The following ENPP4 variants were observed in gnomAD, a reference collection of about 807,000 sequenced individuals.
The protein encoded by ENPP4 is bis(5'-adenosyl)-triphosphatase ENPP4.
A neutral mutation model predicts 33.4 loss-of-function variants in ENPP4; 18 were observed. The observed-to-expected ratio is 0.54, with a 90% CI of 0.37 to 0.80. The LOEUF (loss-of-function observed/expected upper bound fraction) is 0.80, where lower values mean the gene tolerates loss of function less well. ENPP4 is among the 30% of genes least tolerant of loss of function. The pLI, the probability that ENPP4 is intolerant of heterozygous loss-of-function variation, is 0.00. For missense variants in ENPP4, 480 were observed against 541.7 expected, an observed-to-expected ratio of 0.89 and a Z score of 1.13; for synonymous variants, 172 against 189.9, an observed-to-expected ratio of 0.91 and a Z score of 0.78.
In ENPP4 at chr6:46,139,977, G is replaced by T; in HGVS notation, c.394G>T (p.Ala132Ser). The T allele has an allele frequency of 6.2e-7, 1 of 1,612,870 alleles. No individual in the cohort carries two copies. The highest frequency in any genetic ancestry group is 8.5e-7 in the Non-Finnish European group (1 of 1,179,152). Residue 132 changes from alanine to serine, a missense_variant, in exon 2 of 4, where the codon GCT becomes TCT. Transcript: ENST00000321037. ...TCAGCTTCAGGAAAACAGATCAAGT[G>T]CTGCTGCTATGTGGCCTGGTACTGA... ...TNQLQENRSS[A>S]AAMWPGTDVP...
intron 1 of ENPP4, among the ~76,000 whole-genome samples, chr6:46,133,059 A>G (rs145652397): frequency 0.01 from 1,523 of 152,256 alleles, 12 homozygotes; most frequent in Non-Finnish European, 0.016. Flanking sequence ...GGCTGAGACA[A>G]TGGGGTTTTC....
chr6:46,140,385 G>C lies in ENPP4; in HGVS notation c.802G>C (p.Val268Leu), dbSNP rs1764040498. ...CTACACTCTTATAGATTTGAGCCCAGTTGCTGCAATACTTCCCAAAATAAG... is the reference window on the plus strand; with the variant it reads ...CTACACTCTTATAGATTTGAGCCCACTTGCTGCAATACTTCCCAAAATAAG... ...SYYTLIDLSP[V>L]AAILPKINRT... Residue 268 changes from valine (V) to leucine (L), a missense_variant, in exon 2 of 4, where the codon GTT becomes CTT. This residue lies in a region of ENPP4 where 249 missense variants were observed against 251.8 expected (regional missense o/e 0.99). Transcript: ENST00000321037. 1 of 1,583,396 alleles carries C rather than the reference G, an allele frequency of 6.3e-7. No individual in the cohort carries two copies. Among genetic ancestry groups the C allele is most frequent in the African/African-American group, 1.4e-5 (1 of 73,324 alleles).
intron 1 of ENPP4, among the ~76,000 whole-genome samples, chr6:46,133,902 A>G (rs1763938739): frequency 6.6e-6 from 1 of 152,100 alleles, no homozygotes; most frequent in African/African-American, 2.4e-5. Context: ...TAGTTTGGAG[A>G]TTATTATCAG....
intron 1 of ENPP4, among the ~76,000 whole-genome samples, chr6:46,138,234 C>T (rs1198814373): frequency 6.6e-6 from 1 of 151,848 alleles, no homozygotes; most frequent in African/African-American, 2.4e-5. Flanking sequence ...TTACATCTGT[C>T]AGTTTCAGCT....
At chr6:46,134,392 A>G (rs1449430309) in intron 1 of ENPP4, among the ~76,000 whole-genome samples, 1 of 152,124 alleles carries the variant, frequency 6.6e-6, no homozygotes, top group Non-Finnish European at 1.5e-5. Flanking sequence ...CTTGGATCCC[A>G]GCAGTGTGCT....
At chr6:46,141,248 G>C (rs1475880220) in intron 3 of ENPP4, 26 bp downstream of exon 3, 1 of 1,562,332 alleles carries the variant, frequency 6.4e-7, no homozygotes. Context: ...AGATATTTCT[G>C]TTGTATCCTA....
rs74521510 is a variant in ENPP4 at position 46,139,826 on chromosome 6, G to T, written c.243G>T (p.Leu81Phe). ...ACCACTACAGTATTGTGACAGGCTT[G>T]TATGAAGAAAGCCATGGCATTGTGG... ...FPNHYSIVTG[L>F]YEESHGIVAN... Residue 81 changes from leucine to phenylalanine, a missense_variant, in exon 2 of 4, where the codon TTG becomes TTT. Transcript: ENST00000321037. 10 of 1,612,370 alleles carry T rather than the reference G, an allele frequency of 6.2e-6. No individual in the cohort carries two copies. Among genetic ancestry groups the T allele is most frequent in the South Asian group, 1.1e-5 (1 of 91,058 alleles).
chr6:46,143,337 A>G lies in ENPP4; in HGVS notation c.1059A>G (p.Gly353=). 2 of 1,610,428 alleles carry G rather than the reference A, an allele frequency of 1.2e-6. No homozygotes were observed. The highest frequency in any genetic ancestry group is 1.7e-6 in the Non-Finnish European group (2 of 1,177,282). The change falls in exon 4 of 4, where the codon GGA becomes GGG. Residue 353 remains glycine (G), a synonymous_variant. Coordinates refer to ENST00000321037, the MANE Select transcript of ENPP4 (RefSeq NM_014936.5). ...TGCATCCATTTCTAGCTGCCCACGG[A>G]CCTGCATTTCACAAAGGCTACAAGC... ...PSMHPFLAAH[G]PAFHKGYKHS...
intron 1 of ENPP4, among the ~76,000 whole-genome samples, chr6:46,133,039 G>A (rs1763924870): frequency 6.6e-6 from 1 of 152,118 alleles, no homozygotes; most frequent in South Asian, 2.1e-4. Flanking sequence ...ATCAGCTTAA[G>A]GAGATTCTGG....
At chr6:46,138,291 A>G (rs1043961683) in intron 1 of ENPP4, among the ~76,000 whole-genome samples, 3 of 151,822 alleles carry the variant, frequency 2.0e-5, no homozygotes, top group African/African-American at 7.2e-5. Context: ...TAGCATCTTC[A>G]GCTTCCTTTG....
chr6:46,141,283 T>G, intron 3 of ENPP4, 61 bp downstream of exon 3: 1 of 1,266,144 alleles, frequency 7.9e-7, no homozygotes, highest in Non-Finnish European at 1.1e-6. Context: ...CTTGTGATAC[T>G]GTTGTGTTAA....
In ENPP4 at chr6:46,139,567, C is replaced by A; in HGVS notation, c.-17C>A. 1 of 1,268,626 alleles carries A rather than the reference C, an allele frequency of 7.9e-7. No individual in the cohort carries two copies. Among genetic ancestry groups the A allele is most frequent in the Non-Finnish European group, 1.1e-6 (1 of 869,840 alleles). The allele number at this position is 1,268,626 out of a possible 1,614,324, so 78.6% of individuals were successfully genotyped here. On this transcript the variant is annotated 5_prime_UTR_variant, in exon 2 of 4. Coordinates refer to ENST00000321037, the MANE Select transcript of ENPP4 (RefSeq NM_014936.5). ...ACATTTTAGGAACCCTGATTGCTGTCCTTCAACGTGTTCATTATGAAGTTA... is the reference window on the plus strand; with the variant it reads ...ACATTTTAGGAACCCTGATTGCTGTACTTCAACGTGTTCATTATGAAGTTA...
intron 1 of ENPP4, among the ~76,000 whole-genome samples, chr6:46,135,453 A>G (rs1361267797): frequency 6.6e-6 from 1 of 151,826 alleles, no homozygotes; most frequent in Non-Finnish European, 1.5e-5. Context: ...CTAATTTGTC[A>G]TTTGTGTCTT....
At chr6:46,138,998 C>CT (rs1764016113) in intron 1 of ENPP4, among the ~76,000 whole-genome samples, 1 of 151,842 alleles carries the variant, frequency 6.6e-6, no homozygotes, top group African/African-American at 2.4e-5. Flanking sequence ...CACATACAGA[C>CT]TGATGGGGGC....
chr6:46,134,782 C>T (rs1335946404), intron 1 of ENPP4, among the ~76,000 whole-genome samples: 2 of 151,978 alleles, frequency 1.3e-5, no homozygotes, highest in Non-Finnish European at 2.9e-5. Flanking sequence ...ACTGTCATCA[C>T]AATCAATTTG....
intron 3 of ENPP4, among the ~76,000 whole-genome samples, chr6:46,141,736 G>A (rs1039785652): frequency 2.7e-4 from 41 of 151,718 alleles, no homozygotes; most frequent in African/African-American, 9.6e-4. Flanking sequence ...AATATATAGG[G>A]GAGAAAATGT....
In ENPP4 at chr6:46,143,454, T is replaced by C; in HGVS notation, c.1176T>C (p.Thr392=). 6.2e-7 allele frequency: 1 copy of C among 1,612,644 alleles called. No individual in the cohort carries two copies. Among genetic ancestry groups the C allele is most frequent in the Non-Finnish European group, 8.5e-7 (1 of 1,178,960 alleles). Residue 392 remains threonine, a synonymous_variant, in exon 4 of 4, where the codon ACT becomes ACC. Transcript: ENST00000321037. ...PHPNNGTFGH[T]KCLLVDQWCI... is the part of the protein sequence containing the mutation. ...CCAATAATGGGACCTTTGGTCATACTAAGTGCTTGTTAGTTGACCAGTGGT... is the reference window on the plus strand; with the variant it reads ...CCAATAATGGGACCTTTGGTCATACCAAGTGCTTGTTAGTTGACCAGTGGT...
rs1440472637 is a variant in ENPP4, at chr6:46,145,771, T to TA, written c.*2132dup. 20 of 151,988 alleles carry TA rather than the reference T, an allele frequency of 1.3e-4. No homozygotes were observed. The highest frequency in any genetic ancestry group is 1.1e-3 in the Admixed American group (16 of 15,224). The allele number at this position is 151,988 out of a possible 1,614,324, so 9.4% of individuals were successfully genotyped here. A position where few individuals can be genotyped will look rare whatever the true frequency, so the allele number is the denominator to read the frequency against. On this transcript the variant is annotated 3_prime_UTR_variant, in exon 4 of 4. Transcript: ENST00000321037. ...AGACATTTACCTATTTGTCTTTCCTTACGTTCTCAAAATATTAACTCGAAT... is the reference window on the plus strand; with the variant it reads ...AGACATTTACCTATTTGTCTTTCCTTAACGTTCTCAAAATATTAACTCGAAT...
At chr6:46,130,543 G>A (rs1036035845) in intron 1 of ENPP4, among the ~76,000 whole-genome samples, 10 of 152,186 alleles carry the variant, frequency 6.6e-5, no homozygotes, top group Non-Finnish European at 1.3e-4. Flanking sequence ...GGGTCGCCAG[G>A]CTTTTGGTTT....
Sources: gnomAD v4.1 joint callset for allele counts (sites outside exome capture counted in the v4.1 genomes callset) on GRCh38, gnomAD v4.1.1 for gene constraint, gnomAD v4.1.1 regional missense constraint, MANE v1.5 for transcripts, NCBI Gene and HGNC (gene_info 2026-07-23, HGNC 2026-07-21) for gene names.